The following CSTF2 variants were observed in gnomAD, a reference collection of about 807,000 sequenced individuals.
CSTF2 encodes the protein CF-1 64 kDa subunit.
A neutral mutation model predicts 45.4 loss-of-function variants in CSTF2; 8 were observed. The ratio of observed to expected loss-of-function variants is 0.18; its 90% CI spans 0.10 to 0.32. The LOEUF is 0.32. CSTF2 is among the 10% of genes least tolerant of loss of function. CSTF2 has a pLI of 1.00. For synonymous variants in CSTF2, 155 were observed against 158.9 expected (o/e 0.98, Z 0.18); for missense variants, 253 against 477.1 (o/e 0.53, Z 4.38).
chrX:100,830,759 C>T, intron 8 of CSTF2: 1 of 961,861 alleles, frequency 1.0e-6, no homozygotes, highest in Non-Finnish European at 1.4e-6. Flanking sequence ...TGTATGCAAG[C>T]TATTTTAAGT....
chrX:100,827,567 G>A (rs888454367), intron 7 of CSTF2, among the ~76,000 whole-genome samples: 1 of 112,171 alleles, frequency 8.9e-6, no homozygotes, highest in African/African-American at 3.2e-5. Context: ...AAATTGTTCT[G>A]TTCTGTAGAG....
chrX:100,840,118 A>T (rs2085031705), intron 13 of CSTF2, among the ~76,000 whole-genome samples: 1 of 111,746 alleles, frequency 8.9e-6, no homozygotes, highest in South Asian at 3.8e-4. Flanking sequence ...AAAAACTATC[A>T]TGATTTGTGT....
intron 12 of CSTF2, 76 bp downstream of exon 12, chrX:100,837,525 G>A (rs2085016273): frequency 3.0e-6 from 2 of 660,790 alleles, no homozygotes; most frequent in Non-Finnish European, 4.6e-6. Context: ...GTTACCATGT[G>A]ACGATCCTGG....
rs1410957379 is a variant in CSTF2 at position 100,821,692 on chromosome X, T to G, written c.137+87T>G. The G allele has an allele frequency of 1.3e-5, 8 of 626,244 alleles. No individual in the cohort carries two copies. In the East Asian group the frequency reaches 2.7e-4, roughly 21 times the overall value. The allele number at this position is 626,244 out of a possible 1,213,427, so 51.6% of individuals were successfully genotyped here. On this transcript the variant is annotated intron_variant, in intron 2 of 13. Coordinates refer to ENST00000372972, the MANE Select transcript of CSTF2 (RefSeq NM_001325.3). The stretch of plus-strand genomic sequence containing the variant: ...AGTAATAATGGCAGGTTTTCTTTAC[T>G]GGTGACTTTTCACATACATTTTGTT...
At chrX:100,823,222 A>G (rs1360294603) in intron 3 of CSTF2, 70 bp from the exon 4 acceptor site, 7 of 1,130,787 alleles carry the variant, frequency 6.2e-6, no homozygotes, top group Non-Finnish European at 8.3e-6. Context: ...AGCCCTGAAA[A>G]GTAGATATTT....
intron 11 of CSTF2, among the ~76,000 whole-genome samples, chrX:100,834,128 C>T (rs775817439): frequency 1.6e-4 from 18 of 111,644 alleles, no homozygotes; most frequent in Non-Finnish European, 2.8e-4. Context: ...CTCTTCATCT[C>T]GACTTGGTTG....
Position 100,837,384 on chromosome X carries a change from G to T in CSTF2, c.1546G>T (p.Gly516Cys). 8.3e-7 allele frequency: 1 copy of T among 1,210,731 alleles called. No homozygotes were observed. ...GTGMQGASIQ[G>C]GSQPGGFSPG... The stretch of plus-strand genomic sequence containing the variant: ...AGGAATGCAAGGAGCAAGTATACAG[G>T]GTGGAAGCCAGCCTGGCGGCTTTAG... The change falls in exon 12 of 14, where the codon GGT becomes TGT. Residue 516 changes from glycine to cysteine, a missense_variant. Gly to Cys is a radical substitution (Grantham distance 159, BLOSUM62 -3). Around this residue, in one of 3 missense-constraint regions of CSTF2, gnomAD observed 200 missense variants for 294.0 expected, o/e 0.68. Coordinates refer to ENST00000372972, the MANE Select transcript of CSTF2 (RefSeq NM_001325.3).
chrX:100,827,738 A>G (rs1190074299), intron 7 of CSTF2, among the ~76,000 whole-genome samples: 1 of 112,160 alleles, frequency 8.9e-6, no homozygotes, highest in Non-Finnish European at 1.9e-5. Flanking sequence ...TCATGACAGG[A>G]GGTCCATGGG....
intron 3 of CSTF2, 135 bp from the exon 4 acceptor site, chrX:100,823,157 C>T (rs2084928134): frequency 4.3e-6 from 3 of 694,848 alleles, no homozygotes; most frequent in Non-Finnish European, 4.1e-6. Flanking sequence ...GAGGCTTTCA[C>T]ATCATTTATT....
At chrX:100,831,956 C>T (rs1304209609) in intron 9 of CSTF2, among the ~76,000 whole-genome samples, 2 of 112,102 alleles carry the variant, frequency 1.8e-5, no homozygotes, top group African/African-American at 6.5e-5. Flanking sequence ...GTGGCTGACG[C>T]CTATAATCCC....
intron 6 of CSTF2, among the ~76,000 whole-genome samples, chrX:100,824,871 A>C (rs1311492566): frequency 2.7e-5 from 3 of 112,507 alleles, no homozygotes; most frequent in Non-Finnish European, 5.6e-5. Flanking sequence ...GAATGGAGAA[A>C]ATGTGTGGTA....
intron 6 of CSTF2, 104 bp from the exon 7 acceptor site, chrX:100,826,530 T>G: frequency 1.4e-6 from 1 of 733,235 alleles, no homozygotes; most frequent in East Asian, 3.3e-5. Flanking sequence ...TGTTTAGTAG[T>G]GTATTTGGGG....
intron 6 of CSTF2, among the ~76,000 whole-genome samples, chrX:100,826,141 A>T (rs1242243595): frequency 9.0e-6 from 1 of 110,960 alleles, no homozygotes; most frequent in East Asian, 2.8e-4. Context: ...TATATTTCAC[A>T]TTCCCCCAAA....
intron 8 of CSTF2, among the ~76,000 whole-genome samples, chrX:100,831,189 G>C (rs1401660453): frequency 1.8e-5 from 2 of 111,378 alleles, no homozygotes; most frequent in Non-Finnish European, 3.8e-5. Context: ...CATATGCCAA[G>C]ACTCTACCTC....
At chrX:100,837,569 C>T in intron 12 of CSTF2, 120 bp downstream of exon 12, 1 of 443,772 alleles carries the variant, frequency 2.3e-6, no homozygotes, top group South Asian at 4.7e-5. Context: ...GATGTTTATT[C>T]TAACTTAGAA....
chrX:100,822,707 G>T, intron 3 of CSTF2: 1 of 342,793 alleles, frequency 2.9e-6, no homozygotes, highest in Non-Finnish European at 5.3e-6. Context: ...AGCACTGTAG[G>T]GATGCATAGG....
At chrX:100,826,835 T>C (rs2084948037) in intron 7 of CSTF2, 78 bp downstream of exon 7, 1 of 990,119 alleles carries the variant, frequency 1.0e-6, no homozygotes, top group African/African-American at 1.9e-5. Context: ...CAGCCAAATA[T>C]GATAATGGGA....
intron 1 of CSTF2, chrX:100,820,728 C>T (rs2084913694): frequency 4.1e-6 from 2 of 486,706 alleles, no homozygotes; most frequent in Non-Finnish European, 7.6e-6. Flanking sequence ...TCATGAGCTT[C>T]AATTATTCTC....
chrX:100,822,115 TAAA>T (rs1442122720), intron 2 of CSTF2, 133 bp from the exon 3 acceptor site: 1 of 488,472 alleles, frequency 2.0e-6, no homozygotes, highest in Non-Finnish European at 3.2e-6. Context: ...AAAAAAGTTT[TAAA>T]AAATATTTCT....
Sources: allele counts gnomAD v4.1 joint callset (sites outside exome capture counted in the v4.1 genomes callset), GRCh38; gene constraint gnomAD v4.1.1; regional missense constraint gnomAD v4.1.1; transcripts MANE v1.5; gene names NCBI Gene and HGNC (gene_info 2026-07-23, HGNC 2026-07-21).